CPNE4: variants seen among roughly 807,000 people sequenced by gnomAD.
CPNE4 encodes copine-4.
A neutral mutation model predicts 67.9 loss-of-function variants in CPNE4; 25 were observed. The observed-to-expected ratio is 0.37, with a 90% CI of 0.27 to 0.51. CPNE4 has a LOEUF of 0.51. Among genes scored for constraint, CPNE4 ranks in the 20% least tolerant of loss-of-function variants. The pLI, the probability that CPNE4 is intolerant of heterozygous loss-of-function variation, is 0.93. For missense variants in CPNE4, 464 were observed against 690.8 expected (o/e 0.67, Z 3.68); for synonymous variants, 242 against 244.9 (o/e 0.99, Z 0.11).
At chr3:131,737,025 C>A (rs1361657209) in intron 2 of CPNE4, among the ~76,000 whole-genome samples, 2 of 151,562 alleles carry the variant, frequency 1.3e-5, no homozygotes, top group Non-Finnish European at 2.9e-5. Context: ...GCTAAAAATC[C>A]TTCTCTTCCT....
chr3:131,818,030 C>T (rs2084812908), intron 2 of CPNE4, among the ~76,000 whole-genome samples: 1 of 152,192 alleles, frequency 6.6e-6, no homozygotes, highest in South Asian at 2.1e-4. Flanking sequence ...GTCTCATAAG[C>T]TTTTGAGCCA....
At chr3:131,791,810 C>T (rs2083730309) in intron 2 of CPNE4, among the ~76,000 whole-genome samples, 2 of 152,118 alleles carry the variant, frequency 1.3e-5, no homozygotes, top group South Asian at 4.2e-4. Context: ...TATTGATACA[C>T]TTGCAGGATG....
intron 1 of CPNE4, among the ~76,000 whole-genome samples, chr3:131,958,080 G>T (rs1327700871): frequency 6.6e-6 from 1 of 152,182 alleles, no homozygotes; most frequent in Non-Finnish European, 1.5e-5. Flanking sequence ...GCATGAGAAA[G>T]ACTAGCTAAG....
chr3:131,554,654 T>A (rs557865492), intron 12 of CPNE4, among the ~76,000 whole-genome samples: 1 of 152,090 alleles, frequency 6.6e-6, no homozygotes, highest in Admixed American at 6.6e-5. Flanking sequence ...GCCCTTTATA[T>A]GATGGCTCTA....
intron 1 of CPNE4, among the ~76,000 whole-genome samples, chr3:131,933,747 G>A (rs1385444146): frequency 6.6e-6 from 1 of 151,700 alleles, no homozygotes; most frequent in Middle Eastern, 3.2e-3. Flanking sequence ...TAATGAACCT[G>A]GAGGACATTA....
chr3:131,600,051 T>C (rs1449224498), intron 7 of CPNE4, among the ~76,000 whole-genome samples: 2 of 152,134 alleles, frequency 1.3e-5, no homozygotes, highest in African/African-American at 2.4e-5. Context: ...AGTTGGGTTG[T>C]TTCTTGGGGG....
intron 7 of CPNE4, among the ~76,000 whole-genome samples, chr3:131,601,866 G>C (rs1388259628): frequency 6.6e-6 from 1 of 152,164 alleles, no homozygotes; most frequent in African/African-American, 2.4e-5. Context: ...GGATGTTGTA[G>C]AGAATCAAGG....
chr3:131,552,927 A>T (rs1168473950), intron 12 of CPNE4, among the ~76,000 whole-genome samples: 1 of 152,148 alleles, frequency 6.6e-6, no homozygotes, highest in Non-Finnish European at 1.5e-5. Flanking sequence ...ATGGTTATAA[A>T]AGCTTCAGCT....
At chr3:131,565,218 T>C (rs1171131346) in intron 10 of CPNE4, among the ~76,000 whole-genome samples, 1 of 151,968 alleles carries the variant, frequency 6.6e-6, no homozygotes, top group Non-Finnish European at 1.5e-5. Flanking sequence ...AAAATCTCTT[T>C]AAAAATGCCA....
chr3:131,768,731 C>T (rs1199179024), intron 2 of CPNE4, among the ~76,000 whole-genome samples: 1 of 152,056 alleles, frequency 6.6e-6, no homozygotes, highest in East Asian at 1.9e-4. Flanking sequence ...ATCCTCTGCA[C>T]CACAAACTCA....
At chr3:131,757,493 T>G (rs139000797) in intron 2 of CPNE4, among the ~76,000 whole-genome samples, 1,873 of 152,312 alleles carry the variant, frequency 0.012, 33 homozygotes, top group African/African-American at 0.043. Context: ...GCACTCAAGA[T>G]GTGACGTGGG....
chr3:131,676,913 G>T (rs1295248482), intron 6 of CPNE4, among the ~76,000 whole-genome samples: 1 of 152,084 alleles, frequency 6.6e-6, no homozygotes, highest in Non-Finnish European at 1.5e-5. Context: ...AGATTATTGG[G>T]TTGAATGATA....
rs961882222 is a variant in CPNE4 at position 131,601,747 on chromosome 3, G to T, written c.682-14165C>A. On this transcript the variant is annotated intron_variant, in intron 7 of 15. Coordinates refer to ENST00000429747, the MANE Select transcript of CPNE4 (RefSeq NM_130808.3). ...ATTGGAATGTAATCTGTCCAGTTAAGGCTCTCTTCTTCCCTCAGATTACAT... is the reference window on the plus strand; with the variant it reads ...ATTGGAATGTAATCTGTCCAGTTAATGCTCTCTTCTTCCCTCAGATTACAT... Among the ~76,000 whole-genome samples, 3 of 152,058 alleles carry T rather than the reference G, an allele frequency of 2.0e-5. No individual in the cohort carries two copies. The East Asian group carries it at 5.8e-4, about 29-fold the overall frequency.
intron 7 of CPNE4, among the ~76,000 whole-genome samples, chr3:131,639,539 C>T (rs1320472925): frequency 2.0e-5 from 3 of 152,012 alleles, no homozygotes; most frequent in African/African-American, 4.8e-5. Flanking sequence ...CAAAGAAGTC[C>T]AGGACCAGAT....
chr3:131,937,016 G>C (rs369967796), intron 1 of CPNE4, among the ~76,000 whole-genome samples: 27 of 151,986 alleles, frequency 1.8e-4, no homozygotes, highest in African/African-American at 5.3e-4. Context: ...AAAGATTAGA[G>C]AGACAATGAA....
intron 7 of CPNE4, among the ~76,000 whole-genome samples, chr3:131,653,754 G>A (rs920046370): frequency 2.0e-5 from 3 of 152,128 alleles, no homozygotes; most frequent in African/African-American, 4.8e-5. Context: ...TTGCACATGC[G>A]TTCAAGTTCT....
In CPNE4 at chr3:131,801,426, G is replaced by GTGTA. The variant is rs1307163985; in HGVS notation, c.181-77802_181-77801insTACA. On this transcript the variant is annotated intron_variant, in intron 2 of 15. Coordinates refer to ENST00000429747, the MANE Select transcript of CPNE4 (RefSeq NM_130808.3). The stretch of plus-strand genomic sequence containing the variant: ...TAGGTACATATATACGTGTGTGTGT[G>GTGTA]TGTGTGTGTGTGTGTGTGTGTGTGT... Among the ~76,000 whole-genome samples, 51 of 76,124 alleles carry GTGTA rather than the reference G, an allele frequency of 6.7e-4. 3 individuals carry two copies. The highest frequency in any genetic ancestry group is 5.0e-3 in the East Asian group (13 of 2,612). 49.9% of individuals were successfully genotyped at this position (76,124 alleles called of 152,430 possible). A position where few individuals can be genotyped will look rare whatever the true frequency, so the allele number is the denominator to read the frequency against.
intron 5 of CPNE4, among the ~76,000 whole-genome samples, chr3:131,694,197 T>TA (rs1391789484): frequency 1.3e-5 from 2 of 152,110 alleles, no homozygotes; most frequent in Non-Finnish European, 2.9e-5. Context: ...ATTAACATAA[T>TA]AAAAAATTAG....
chr3:132,014,829 T>A (rs1253193086), intron 1 of CPNE4, among the ~76,000 whole-genome samples: 1 of 152,220 alleles, frequency 6.6e-6, no homozygotes, highest in African/African-American at 2.4e-5. Context: ...AGTCATTGTA[T>A]CATGTTAGGA....
Sources: allele counts gnomAD v4.1 joint callset (sites outside exome capture counted in the v4.1 genomes callset), GRCh38; gene constraint gnomAD v4.1.1; transcripts MANE v1.5; gene names NCBI Gene and HGNC (gene_info 2026-07-23, HGNC 2026-07-21).